SPOCK1: variants seen among roughly 807,000 people sequenced by gnomAD.
SPOCK1 encodes SPARC (osteonectin), cwcv and kazal like domains proteoglycan 1.
Under a neutral mutation model 55.3 loss-of-function variants are expected in SPOCK1, and 23 were observed. That is an observed-to-expected ratio of 0.42 (90% CI 0.30 to 0.59). The LOEUF (loss-of-function observed/expected upper bound fraction) is 0.59. SPOCK1 is among the 20% of genes least tolerant of loss of function. The pLI is 0.22. For missense variants in SPOCK1, 499 were observed against 552.5 expected (o/e 0.90, Z 0.97); for synonymous variants, 226 against 221.0 (o/e 1.02, Z -0.20).
At chr5:137,168,242 C>A (rs1754687278) in intron 3 of SPOCK1, among the ~76,000 whole-genome samples, 1 of 152,064 alleles carries the variant, frequency 6.6e-6, no homozygotes, top group South Asian at 2.1e-4. Context: ...TCTAATACCA[C>A]AAACTATGAA....
intron 2 of SPOCK1, among the ~76,000 whole-genome samples, chr5:137,417,332 C>CTTT (rs35711384): frequency 3.1e-4 from 37 of 117,888 alleles, no homozygotes; most frequent in Middle Eastern, 9.4e-3. Context: ...TAACCCATTT[C>CTTT]TTTTTTTTTT....
chr5:137,174,048 A>G (rs1348492761), intron 3 of SPOCK1, among the ~76,000 whole-genome samples: 1 of 152,244 alleles, frequency 6.6e-6, no homozygotes, highest in Non-Finnish European at 1.5e-5. Context: ...ATTCACAAGC[A>G]TCTGTGTCTA....
At chr5:137,316,184 C>A (rs1004422555) in intron 2 of SPOCK1, among the ~76,000 whole-genome samples, 1 of 152,130 alleles carries the variant, frequency 6.6e-6, no homozygotes, top group African/African-American at 2.4e-5. Context: ...GGTGGAAGGA[C>A]GAGAGCCAAA....
At chr5:137,285,346 C>G (rs1580847136) in intron 2 of SPOCK1, among the ~76,000 whole-genome samples, 1 of 152,206 alleles carries the variant, frequency 6.6e-6, no homozygotes. Context: ...TTAACATTGT[C>G]TCTCTGCTCT....
intron 3 of SPOCK1, among the ~76,000 whole-genome samples, chr5:137,146,265 C>G (rs1421777078): frequency 7.0e-6 from 1 of 142,488 alleles, no homozygotes; most frequent in African/African-American, 2.7e-5. Context: ...CCCAGGAACA[C>G]CAAGCCACAC....
At chr5:137,018,689 C>CAA (rs750516608) in intron 6 of SPOCK1, among the ~76,000 whole-genome samples, 9 of 152,088 alleles carry the variant, frequency 5.9e-5, no homozygotes, top group Non-Finnish European at 1.3e-4. Flanking sequence ...CCTTATTATA[C>CAA]AAATGCATAT....
intron 3 of SPOCK1, among the ~76,000 whole-genome samples, chr5:137,177,661 C>G (rs183181895): frequency 5.3e-5 from 8 of 152,020 alleles, no homozygotes; most frequent in Non-Finnish European, 1.0e-4. Flanking sequence ...AACATTAACG[C>G]ACATTAAAAA....
chr5:137,090,323 T>A (rs902349707), intron 5 of SPOCK1, among the ~76,000 whole-genome samples: 1 of 152,144 alleles, frequency 6.6e-6, no homozygotes, highest in Non-Finnish European at 1.5e-5. Context: ...AACAGACACA[T>A]CTGTGAATAC....
chr5:137,353,800 C>G (rs533787307), intron 2 of SPOCK1, among the ~76,000 whole-genome samples: 1 of 152,190 alleles, frequency 6.6e-6, no homozygotes, highest in East Asian at 1.9e-4. Flanking sequence ...CCGAGGTGTC[C>G]CCTCTTCAAT....
chr5:137,218,412 A>G (rs1286687443), intron 3 of SPOCK1, among the ~76,000 whole-genome samples: 5 of 152,234 alleles, frequency 3.3e-5, no homozygotes, highest in African/African-American at 9.6e-5. Flanking sequence ...GTTCTTGGAC[A>G]TTGCAAGTTA....
intron 2 of SPOCK1, among the ~76,000 whole-genome samples, chr5:137,441,367 CA>C (rs1190467843): frequency 2.0e-5 from 3 of 152,234 alleles, no homozygotes; most frequent in Admixed American, 2.0e-4. Context: ...AGGAAATCAC[CA>C]CCTTTCTCCA....
At chr5:137,189,930 A>G (rs1755146213) in intron 3 of SPOCK1, among the ~76,000 whole-genome samples, 1 of 151,920 alleles carries the variant, frequency 6.6e-6, no homozygotes, top group South Asian at 2.1e-4. Flanking sequence ...GGGGTACAAG[A>G]CTTCATAATA....
intron 3 of SPOCK1, among the ~76,000 whole-genome samples, chr5:137,146,069 CG>C (rs941918502): frequency 5.6e-4 from 85 of 152,238 alleles, no homozygotes; most frequent in African/African-American, 1.9e-3. Flanking sequence ...AGACTAAAGT[CG>C]GGGGAGAGGG....
chr5:137,321,410 C>G (rs1757980232), intron 2 of SPOCK1, among the ~76,000 whole-genome samples: 1 of 152,100 alleles, frequency 6.6e-6, no homozygotes, highest in South Asian at 2.1e-4. Context: ...AAAGTCCACA[C>G]TGAGATACAT....
At chr5:137,396,005 G>A (rs766072444) in intron 2 of SPOCK1, among the ~76,000 whole-genome samples, 8 of 152,158 alleles carry the variant, frequency 5.3e-5, no homozygotes, top group South Asian at 2.1e-4. Flanking sequence ...CATAAGTTAC[G>A]TTTCCTTGCA....
chr5:137,264,302 C>T (rs754383574), intron 3 of SPOCK1, among the ~76,000 whole-genome samples: 1 of 152,146 alleles, frequency 6.6e-6, no homozygotes, highest in Non-Finnish European at 1.5e-5. Flanking sequence ...TCATGTCACT[C>T]GCCTGCTCAA....
intron 2 of SPOCK1, among the ~76,000 whole-genome samples, chr5:137,465,024 T>C (rs79810128): frequency 3.3e-5 from 5 of 151,938 alleles, no homozygotes. Flanking sequence ...GCAGAAAACC[T>C]TGAGAGAACA....
At chr5:137,413,047 A>G (rs1378197653) in intron 2 of SPOCK1, among the ~76,000 whole-genome samples, 1 of 152,174 alleles carries the variant, frequency 6.6e-6, no homozygotes, top group African/African-American at 2.4e-5. Flanking sequence ...AAATCTTAAA[A>G]GTAATTTTTG....
chr5:137,089,366 A>G (rs535671299), intron 5 of SPOCK1, among the ~76,000 whole-genome samples: 5 of 152,320 alleles, frequency 3.3e-5, no homozygotes, highest in African/African-American at 1.2e-4. Context: ...GACAGCTCCC[A>G]TCTCATATGG....
Sources: gnomAD v4.1 joint callset for allele counts (sites outside exome capture counted in the v4.1 genomes callset) on GRCh38, gnomAD v4.1.1 for gene constraint, MANE v1.5 for transcripts, NCBI Gene and HGNC (gene_info 2026-07-23, HGNC 2026-07-21) for gene names.